The following GPAT4 variants were observed in gnomAD, a reference collection of about 807,000 sequenced individuals.
GPAT4 encodes 1-AGP acyltransferase 6.
GPAT4 carries 17 observed loss-of-function variants against 58.0 expected under a neutral mutation model. The ratio of observed to expected loss-of-function variants is 0.29; its 90% CI spans 0.20 to 0.44. GPAT4 has a LOEUF of 0.44. Ranked by LOEUF, GPAT4 falls within the 20% of genes least tolerant of loss-of-function variation. The pLI is 1.00. For synonymous variants in GPAT4, 204 were observed against 210.1 expected (o/e 0.97, Z 0.25); for missense variants, 377 against 574.5 (o/e 0.66, Z 3.51).
In GPAT4 at chr8:41,599,044, C is replaced by T; in HGVS notation, c.-96C>T. On this transcript the variant is annotated 5_prime_UTR_variant, in exon 2 of 13. Transcript: ENST00000396987. ...GGGTTTGCTGTTCTTCGGGAACTTG[C>T]TTCCTTTCCCTGGCTGGTGCTGTCA... 4 of 1,483,520 alleles carry T rather than the reference C, an allele frequency of 2.7e-6. No homozygotes were observed. The South Asian group carries it at 4.1e-5, about 15-fold the overall frequency. The allele number at this position is 1,483,520 out of a possible 1,614,324, so 91.9% of individuals were successfully genotyped here.
At chr8:41,593,814 T>C (rs1341076661) in intron 1 of GPAT4, among the ~76,000 whole-genome samples, 1 of 152,236 alleles carries the variant, frequency 6.6e-6, no homozygotes, top group Non-Finnish European at 1.5e-5. Flanking sequence ...ATATGATTTT[T>C]GAGAAATTCA....
chr8:41,578,344 G>T (rs1361575497), intron 1 of GPAT4, 66 bp downstream of exon 1: 5 of 151,916 alleles, frequency 3.3e-5, no homozygotes, highest in African/African-American at 1.2e-4. Flanking sequence ...AGAGCGGGAC[G>T]TGGGAGCCGG....
intron 12 of GPAT4, chr8:41,619,300 G>A: frequency 2.7e-6 from 1 of 366,214 alleles, no homozygotes; most frequent in Non-Finnish European, 5.0e-6. Flanking sequence ...GAAGGAAGGA[G>A]GACTTTCCCA....
intron 2 of GPAT4, among the ~76,000 whole-genome samples, chr8:41,605,203 G>T (rs1329227996): frequency 1.3e-5 from 2 of 152,224 alleles, no homozygotes; most frequent in Non-Finnish European, 2.9e-5. Context: ...ATAGGGGTAA[G>T]TTCTGGCTGC....
At chr8:41,593,167 C>T (rs1802838519) in intron 1 of GPAT4, among the ~76,000 whole-genome samples, 5 of 152,152 alleles carry the variant, frequency 3.3e-5, no homozygotes, top group African/African-American at 7.2e-5. Flanking sequence ...TTCTTCTGTT[C>T]TGGCTAATAC....
At position 41,621,456 on chromosome 8, in the gene GPAT4, G is replaced by A. The variant is rs111451824; in HGVS notation, c.*455G>A. On this transcript the variant is annotated 3_prime_UTR_variant, in exon 13 of 13. Transcript: ENST00000396987. ...CAGCTGAGGCACTGTGGCTGGCTTC[G>A]GCCTCAACATCGCCCCCAGCCTTGG... is the stretch of plus-strand genomic sequence containing the variant. 2,190 of 163,274 alleles carry A rather than the reference G, an allele frequency of 0.013. 16 individuals are homozygous for A. Among genetic ancestry groups the A allele is most frequent in the Non-Finnish European group, 0.017 (1,294 of 74,884 alleles). 10.1% of individuals were successfully genotyped at this position (163,274 alleles called of 1,614,324 possible). A position where few individuals can be genotyped will look rare whatever the true frequency, so the allele number is the denominator to read the frequency against.
intron 1 of GPAT4, among the ~76,000 whole-genome samples, chr8:41,588,193 G>A (rs1802703118): frequency 6.6e-6 from 1 of 152,154 alleles, no homozygotes; most frequent in African/African-American, 2.4e-5. Flanking sequence ...ATTGTGCTTG[G>A]TGTGCTCTAA....
At chr8:41,596,659 G>T (rs1231467707) in intron 1 of GPAT4, among the ~76,000 whole-genome samples, 1 of 152,210 alleles carries the variant, frequency 6.6e-6, no homozygotes, top group Admixed American at 6.5e-5. Context: ...GCTCAGGCTG[G>T]TCTGAGTCCC....
chr8:41,618,701 C>T lies in GPAT4; in HGVS notation c.1071C>T (p.Gly357=), dbSNP rs192754152. 329 of 1,614,166 alleles carry T rather than the reference C, an allele frequency of 2.0e-4. No individual in the cohort carries two copies. Among genetic ancestry groups the T allele is most frequent in the South Asian group, 2.2e-4 (20 of 91,088 alleles). The change falls in exon 11 of 13, where the codon GGC becomes GGT. Residue 357 remains glycine, a synonymous_variant. Transcript: ENST00000396987. ...GTTTTCAGTATGACCCTCAATTTGG[C>T]GATGCCTTCTGGAACAGCAGCAAAT... ...PVAIKYDPQF[G]DAFWNSSKYG... is the part of the protein sequence containing the mutation.
chr8:41,618,141 G>A (rs949641570), intron 10 of GPAT4, among the ~76,000 whole-genome samples: 2 of 152,246 alleles, frequency 1.3e-5, no homozygotes, highest in African/African-American at 4.8e-5. Flanking sequence ...TTTGTTGGAA[G>A]TGTAAATGTA....
At chr8:41,582,674 A>AGAGT (rs113520462) in intron 1 of GPAT4, among the ~76,000 whole-genome samples, 20 of 142,488 alleles carry the variant, frequency 1.4e-4, no homozygotes, top group South Asian at 2.3e-4. Context: ...AGAGAGAGAG[A>AGAGT]GTGTGTGTGT....
chr8:41,586,566 C>T (rs1341736788), intron 1 of GPAT4, among the ~76,000 whole-genome samples: 2 of 152,150 alleles, frequency 1.3e-5, no homozygotes, highest in Non-Finnish European at 2.9e-5. Flanking sequence ...ACCTGCCAAC[C>T]ATAGCACCAG....
chr8:41,585,542 A>G (rs1414744248), intron 1 of GPAT4, among the ~76,000 whole-genome samples: 7 of 152,224 alleles, frequency 4.6e-5, no homozygotes, highest in African/African-American at 1.7e-4. Context: ...TTAGTAGTAG[A>G]AGCTTCTATT....
At chr8:41,591,985 T>A (rs1802801380) in intron 1 of GPAT4, among the ~76,000 whole-genome samples, 2 of 152,242 alleles carry the variant, frequency 1.3e-5, no homozygotes, top group African/African-American at 4.8e-5. Flanking sequence ...TGTAAACGTT[T>A]GATTCGGTTG....
chr8:41,602,543 G>A (rs1239630149), intron 2 of GPAT4, among the ~76,000 whole-genome samples: 1 of 152,070 alleles, frequency 6.6e-6, no homozygotes, highest in Non-Finnish European at 1.5e-5. Flanking sequence ...ACTGCTCTGA[G>A]TCGATCTGAA....
chr8:41,585,710 G>C (rs1802634639), intron 1 of GPAT4, among the ~76,000 whole-genome samples: 1 of 152,242 alleles, frequency 6.6e-6, no homozygotes, highest in African/African-American at 2.4e-5. Context: ...CCAGAAGGTA[G>C]GGGAGGCTGG....
intron 1 of GPAT4, among the ~76,000 whole-genome samples, chr8:41,597,297 T>C (rs1802959980): frequency 6.6e-6 from 1 of 152,218 alleles, no homozygotes; most frequent in Admixed American, 6.5e-5. Flanking sequence ...CTTCTAAGTG[T>C]TTGGAATAGC....
rs1563277120 is a variant in GPAT4 at position 41,609,759 on chromosome 8, G to A, written c.340G>A (p.Asp114Asn). Residue 114 changes from aspartate to asparagine, a missense_variant, in exon 4 of 13, where the codon GAC (aspartate) becomes AAC (asparagine). Asp to Asn is a conservative substitution (Grantham distance 23). Coordinates refer to ENST00000396987, the MANE Select transcript of GPAT4 (RefSeq NM_178819.4). ...LDNTPEFELS[D>N]IFYFCRKGME... ...CAACACTCCAGAGTTCGAGCTCTCTGACATTTTCTACTTTTGCCGGAAAGG... is the reference window on the plus strand; with the variant it reads ...CAACACTCCAGAGTTCGAGCTCTCTAACATTTTCTACTTTTGCCGGAAAGG... 6.2e-7 allele frequency: 1 copy of A among 1,614,156 alleles called. No individual in the cohort carries two copies. The highest frequency in any genetic ancestry group is 1.1e-5 in the South Asian group (1 of 91,082).
At chr8:41,608,758 A>G (rs1319872149) in intron 2 of GPAT4, among the ~76,000 whole-genome samples, 1 of 152,052 alleles carries the variant, frequency 6.6e-6, no homozygotes, top group African/African-American at 2.4e-5. Flanking sequence ...AGATTCAGAG[A>G]CTTGGAATGG....
Sources: allele counts gnomAD v4.1 joint callset (sites outside exome capture counted in the v4.1 genomes callset), GRCh38; gene constraint gnomAD v4.1.1; transcripts MANE v1.5; gene names NCBI Gene and HGNC (gene_info 2026-07-23, HGNC 2026-07-21).